SCUBE2: variants seen among roughly 807,000 people sequenced by gnomAD.
SCUBE2 encodes signal peptide, CUB domain and EGF like domain containing 2.
A neutral mutation model predicts 125.9 loss-of-function variants in SCUBE2; 114 were observed. That is an observed-to-expected ratio of 0.91 (90% CI 0.78 to 1.06). The LOEUF (loss-of-function observed/expected upper bound fraction) is 1.06. Among genes scored for constraint, SCUBE2 ranks in the 50% least tolerant of loss-of-function variants. SCUBE2 has a pLI of 0.00. For missense variants in SCUBE2, 1,255 were observed against 1,301.8 expected (o/e 0.96, Z 0.55); for synonymous variants, 459 against 492.9 (o/e 0.93, Z 0.91).
intron 2 of SCUBE2, among the ~76,000 whole-genome samples, chr11:9,086,323 C>T (rs1564855053): frequency 6.6e-6 from 1 of 152,166 alleles, no homozygotes; most frequent in East Asian, 1.9e-4. Flanking sequence ...CTGAGTAAAC[C>T]TGATCCTCAT....
chr11:9,026,259 G>C (rs1460380710), intron 20 of SCUBE2: 1 of 160,412 alleles, frequency 6.2e-6, no homozygotes, highest in African/African-American at 2.4e-5. Flanking sequence ...ACAGAAAGTT[G>C]GTGCAACCGT....
intron 4 of SCUBE2, 152 bp from the exon 5 acceptor site, chr11:9,069,647 C>G (rs1044212248): frequency 1.0e-6 from 1 of 955,868 alleles, no homozygotes; most frequent in Non-Finnish European, 1.5e-6. Flanking sequence ...TTAAAGTCAA[C>G]CTAGGCCAAT....
chr11:9,060,203 T>G (rs1222748882), intron 8 of SCUBE2, among the ~76,000 whole-genome samples: 1 of 152,236 alleles, frequency 6.6e-6, no homozygotes, highest in Non-Finnish European at 1.5e-5. Context: ...ACAATTAGTG[T>G]AATTAAGTGT....
intron 17 of SCUBE2, among the ~76,000 whole-genome samples, chr11:9,032,277 G>A (rs10840161): frequency 0.41 from 62,845 of 151,794 alleles, 15,503 homozygotes; most frequent in East Asian, 0.56. Flanking sequence ...ACCACGCTCA[G>A]CTATTTTTTG....
At chr11:9,088,054 G>C (rs1462157739) in intron 2 of SCUBE2, among the ~76,000 whole-genome samples, 1 of 152,220 alleles carries the variant, frequency 6.6e-6, no homozygotes, top group East Asian at 1.9e-4. Flanking sequence ...CATGTACCAG[G>C]CACTGCTGAG....
chr11:9,033,056 A>G (rs1415101752), intron 17 of SCUBE2, among the ~76,000 whole-genome samples: 2 of 152,168 alleles, frequency 1.3e-5, no homozygotes, highest in African/African-American at 4.8e-5. Context: ...CAGAGTGTCA[A>G]TACAGCCAGC....
rs1855206084 is a variant in SCUBE2, at chr11:9,020,421, C to CTAA, written c.*621_*623dup. ...AGAAGTGCTTAGTTTTTATTTATTT[C>CTAA]TAATTCTTTCTGCTTTTTTTTTTCA... On this transcript the variant is annotated 3_prime_UTR_variant, in exon 23 of 23. Transcript: ENST00000649792. 1 of 151,044 alleles carries CTAA rather than the reference C, an allele frequency of 6.6e-6. No homozygotes were observed. Among genetic ancestry groups the CTAA allele is most frequent in the African/African-American group, 2.4e-5 (1 of 41,222 alleles). 9.4% of individuals were successfully genotyped at this position (151,044 alleles called of 1,614,324 possible).
intron 2 of SCUBE2, among the ~76,000 whole-genome samples, chr11:9,080,986 A>G (rs1276976918): frequency 2.6e-5 from 4 of 152,238 alleles, no homozygotes; most frequent in Non-Finnish European, 4.4e-5. Context: ...AAGCACATGA[A>G]AAAATGCTCA....
intron 16 of SCUBE2, among the ~76,000 whole-genome samples, chr11:9,037,702 A>G (rs985910149): frequency 6.6e-6 from 1 of 152,204 alleles, no homozygotes; most frequent in Non-Finnish European, 1.5e-5. Context: ...TCTTTAAATG[A>G]CTGCCCCCAT....
intron 16 of SCUBE2, among the ~76,000 whole-genome samples, chr11:9,042,825 C>A (rs1376274480): frequency 6.6e-6 from 1 of 152,204 alleles, no homozygotes; most frequent in African/African-American, 2.4e-5. Flanking sequence ...CATGTCATCC[C>A]CAAATGCTGC....
chr11:9,081,922 T>C (rs941654273), intron 2 of SCUBE2, among the ~76,000 whole-genome samples: 1 of 152,272 alleles, frequency 6.6e-6, no homozygotes, highest in African/African-American at 2.4e-5. Context: ...TTTTCCATAG[T>C]GGCTATACCA....
chr11:9,056,076 A>G (rs934416217), intron 9 of SCUBE2, among the ~76,000 whole-genome samples, 167 bp from the exon 10 acceptor site: 10 of 152,238 alleles, frequency 6.6e-5, no homozygotes, highest in African/African-American at 2.4e-4. Context: ...GAAAGTGTGG[A>G]GCAGCCCACA....
At chr11:9,030,198 C>T (rs1856181914) in intron 18 of SCUBE2, 153 bp from the exon 19 acceptor site, 2 of 757,906 alleles carry the variant, frequency 2.6e-6, no homozygotes, top group Non-Finnish European at 4.3e-6. Context: ...CACTTAATTC[C>T]CTAAATAGGC....
intron 2 of SCUBE2, among the ~76,000 whole-genome samples, chr11:9,086,258 T>G (rs948938242): frequency 6.6e-6 from 1 of 152,230 alleles, no homozygotes; most frequent in African/African-American, 2.4e-5. Flanking sequence ...GGCTCACACA[T>G]TTCTCCAACA....
At chr11:9,066,438 G>A (rs1860238161) in intron 6 of SCUBE2, among the ~76,000 whole-genome samples, 1 of 152,224 alleles carries the variant, frequency 6.6e-6, no homozygotes, top group Non-Finnish European at 1.5e-5. Flanking sequence ...GAGGTGTTGT[G>A]CCAGTCTCTG....
Position 9,070,491 on chromosome 11 carries a change from G to A in SCUBE2, c.518-996C>T, listed in dbSNP as rs567687453. ...GTTTATACTTTATTATTAATTACCT[G>A]TTCCTATGTTGCTTCTTTGCATTCG... On this transcript the variant is annotated intron_variant, in intron 4 of 22. Coordinates refer to ENST00000649792, the MANE Select transcript of SCUBE2 (RefSeq NM_001367977.2). Among the ~76,000 whole-genome samples the A allele has an allele frequency of 7.2e-5, 11 of 152,258 alleles. No individual in the cohort carries two copies. The South Asian group carries it at 2.3e-3, about 32-fold the overall frequency.
chr11:9,033,500 C>A, intron 17 of SCUBE2, 126 bp downstream of exon 17: 1 of 1,079,232 alleles, frequency 9.3e-7, no homozygotes, highest in Non-Finnish European at 1.3e-6. Context: ...TGAATCGAGC[C>A]AACGTGGTCC....
intron 7 of SCUBE2, among the ~76,000 whole-genome samples, chr11:9,064,221 C>T (rs1027268951): frequency 2.0e-5 from 3 of 152,152 alleles, no homozygotes; most frequent in African/African-American, 4.8e-5. Flanking sequence ...AATCCAAACA[C>T]TTTGGGAGGC....
intron 3 of SCUBE2, among the ~76,000 whole-genome samples, chr11:9,077,247 T>C (rs539945400): frequency 1.3e-5 from 2 of 152,314 alleles, no homozygotes; most frequent in South Asian, 4.1e-4. Flanking sequence ...AGAGCCAGTC[T>C]TGGATGAAGT....
Sources: gnomAD v4.1 joint callset for allele counts (sites outside exome capture counted in the v4.1 genomes callset) on GRCh38, gnomAD v4.1.1 for gene constraint, MANE v1.5 for transcripts, NCBI Gene and HGNC (gene_info 2026-07-23, HGNC 2026-07-21) for gene names.